The following BRWD1 variants were observed in gnomAD, a reference collection of about 807,000 sequenced individuals.
The protein encoded by BRWD1 is bromodomain and WD repeat-containing protein 1.
Under a neutral mutation model 251.2 loss-of-function variants are expected in BRWD1, and 82 were observed. The ratio of observed to expected loss-of-function variants is 0.33; its 90% CI spans 0.27 to 0.39. The LOEUF is 0.39. Among genes scored for constraint, BRWD1 ranks in the 10% least tolerant of loss-of-function variants. The probability of loss-of-function intolerance (pLI) is 1.00; values close to 1 mark genes in which losing one functional copy is unlikely to be tolerated. For missense variants in BRWD1, 2,233 were observed against 2,711.6 expected, an observed-to-expected ratio of 0.82 and a Z score of 3.92; for synonymous variants, 918 against 902.8, an observed-to-expected ratio of 1.02 and a Z score of -0.30.
rs781469303 is a variant in BRWD1, at chr21:39,218,692, G to GA, written c.3383-33dup. On this transcript the variant is annotated intron_variant, in intron 29 of 40. Transcript: ENST00000342449. ...ATACCATAAAAAACAATGAGAGGAA[G>GA]AAAAAAACACAAAAAATAAATATAT... 1.5e-4 allele frequency: 221 copies of GA among 1,484,804 alleles called. 1 individual carries two copies. The highest frequency in any genetic ancestry group is 2.1e-4 in the Admixed American group (9 of 41,920). The allele number at this position is 1,484,804 out of a possible 1,614,324, so 92.0% of individuals were successfully genotyped here.
At position 39,189,578 on chromosome 21, in the gene BRWD1, T is replaced by C. The variant is rs528759440; in HGVS notation, c.*6681A>G. 2.9e-4 allele frequency: 283 copies of C among 983,772 alleles called. 1 individual carries two copies. The African/African-American group carries it at 4.7e-3, about 16-fold the overall frequency. The allele number at this position is 983,772 out of a possible 1,614,324, so 60.9% of individuals were successfully genotyped here. ...GGGAGGGAGAATTTGAATTACACTGTACTCTAACTTGATAAAGCTGAATCT... is the reference window on the plus strand; with the variant it reads ...GGGAGGGAGAATTTGAATTACACTGCACTCTAACTTGATAAAGCTGAATCT... On this transcript the variant is annotated 3_prime_UTR_variant, in exon 41 of 41. Coordinates refer to ENST00000342449, the MANE Select transcript of BRWD1 (RefSeq NM_033656.4).
intron 37 of BRWD1, 104 bp from the exon 38 acceptor site, chr21:39,202,649 G>T: frequency 1.4e-6 from 1 of 733,468 alleles, no homozygotes; most frequent in Non-Finnish European, 2.2e-6. Context: ...CTTAAACTGA[G>T]AGTAATTTTA....
intron 8 of BRWD1, among the ~76,000 whole-genome samples, chr21:39,292,122 T>TGGGG (rs1336734101): frequency 1.4e-3 from 3 of 2,178 alleles, no homozygotes; most frequent in Admixed American, 0.012. Flanking sequence ...TTGTGGGGGG[T>TGGGG]GGGTGGGGGT....
At chr21:39,314,296 T>TC (rs1399840323), upstream of BRWD1, 3 of 455,220 alleles carry the variant, frequency 6.6e-6, no homozygotes, top group Non-Finnish European at 8.8e-6. Flanking sequence ...CCCAGCCACA[T>TC]CCCCCACAAG....
intron 20 of BRWD1, among the ~76,000 whole-genome samples, chr21:39,249,390 T>A (rs933145064): frequency 1.3e-5 from 2 of 152,236 alleles, no homozygotes; most frequent in Non-Finnish European, 2.9e-5. Flanking sequence ...ACTGTAAGTA[T>A]GTGTATTTTC....
intron 31 of BRWD1, among the ~76,000 whole-genome samples, chr21:39,216,009 A>C (rs991026534): frequency 2.6e-5 from 4 of 151,906 alleles, no homozygotes; most frequent in East Asian, 1.9e-4. Context: ...AAAACAAACA[A>C]AAAAACAAAC....
At chr21:39,294,512 G>A (rs530294152) in intron 7 of BRWD1, among the ~76,000 whole-genome samples, 202 of 152,210 alleles carry the variant, frequency 1.3e-3, no homozygotes, top group Admixed American at 2.1e-3. Context: ...AAAATTAGCC[G>A]GGCGTGGTGG....
upstream of BRWD1, chr21:39,314,600 C>CT (rs1240884809): frequency 5.8e-6 from 2 of 346,328 alleles, no homozygotes; most frequent in African/African-American, 4.3e-5. Flanking sequence ...GGCTTCTGAC[C>CT]TAACTATGAG....
rs1173314457 is a variant in BRWD1, at chr21:39,198,907, A to T, written c.5509T>A (p.Cys1837Ser). 3 of 1,614,110 alleles carry T rather than the reference A, an allele frequency of 1.9e-6. No homozygotes were observed. Among genetic ancestry groups the T allele is most frequent in the South Asian group, 2.2e-5 (2 of 91,070 alleles). The change falls in exon 40 of 41, where the codon TGT (cysteine) becomes AGT (serine). Residue 1837 changes from cysteine (C) to serine (S), a missense_variant. By Grantham distance (112) the Cys-to-Ser change is moderately radical. Transcript: ENST00000342449. ...SEEQDREDGK[C>S]HKMEMNPISG... ...ATTGGGTTCATTTCCATTTTATGAC[A>T]TTTCCCATCTTCTCTATCTTGCTCT...
upstream of BRWD1, chr21:39,313,664 TCCTCCGCGGGAGACGAAAAGTAGTC>T (rs2036607300): frequency 2.3e-6 from 1 of 430,938 alleles, no homozygotes; most frequent in East Asian, 4.4e-5. Context: ...AGGAAGTAGT[TCCTCCGCGGGAGACGAAAAGTAGTC>T]CCTCCGCGGG....
chr21:39,197,483 A>C, intron 40 of BRWD1, 68 bp from the exon 41 acceptor site: 1 of 1,298,548 alleles, frequency 7.7e-7, no homozygotes, highest in Non-Finnish European at 1.1e-6. Context: ...TTCAATATTA[A>C]AAACAAGTTC....
intron 17 of BRWD1, among the ~76,000 whole-genome samples, chr21:39,262,724 C>T (rs1351211887): frequency 6.6e-6 from 1 of 151,942 alleles, no homozygotes; most frequent in East Asian, 1.9e-4. Flanking sequence ...AAAAAGATTA[C>T]ACTTTGTATA....
chr21:39,308,639 T>C (rs1054896202), intron 4 of BRWD1, among the ~76,000 whole-genome samples: 2 of 152,112 alleles, frequency 1.3e-5, no homozygotes, highest in African/African-American at 4.8e-5. Context: ...TGATGTCCAG[T>C]CCCACCACAA....
chr21:39,250,688 GA>G (rs1351686345), intron 20 of BRWD1, 107 bp downstream of exon 20: 5 of 695,592 alleles, frequency 7.2e-6, no homozygotes, highest in Non-Finnish European at 1.2e-5. Context: ...CCTTAAGCAA[GA>G]AATACTCCAC....
intron 17 of BRWD1, among the ~76,000 whole-genome samples, chr21:39,262,858 G>T (rs965927089): frequency 1.3e-5 from 2 of 152,132 alleles, no homozygotes; most frequent in African/African-American, 2.4e-5. Context: ...AGTATAAATG[G>T]TTTGTATCTT....
chr21:39,294,228 CTACA>C (rs1326481549), intron 7 of BRWD1, among the ~76,000 whole-genome samples, 196 bp from the exon 8 acceptor site: 1 of 152,318 alleles, frequency 6.6e-6, no homozygotes, highest in African/African-American at 2.4e-5. Context: ...CAAAGACAGT[CTACA>C]TAAAGATACT....
chr21:39,266,248 G>A (rs980979002), intron 15 of BRWD1, among the ~76,000 whole-genome samples: 2 of 150,868 alleles, frequency 1.3e-5, no homozygotes, highest in African/African-American at 2.4e-5. Context: ...TGCTGAATAA[G>A]ATGTGCATAT....
At chr21:39,248,875 G>A (rs1306455705) in intron 20 of BRWD1, among the ~76,000 whole-genome samples, 3 of 151,990 alleles carry the variant, frequency 2.0e-5, no homozygotes, top group Non-Finnish European at 4.4e-5. Flanking sequence ...ATACCCAAAG[G>A]AAAAGAACTC....
At chr21:39,271,622 A>C (rs2035107252) in intron 13 of BRWD1, among the ~76,000 whole-genome samples, 1 of 135,376 alleles carries the variant, frequency 7.4e-6, no homozygotes, top group African/African-American at 2.8e-5. Flanking sequence ...GCATGAACCC[A>C]GGAGGCGGAA....
Sources: allele counts gnomAD v4.1 joint callset (sites outside exome capture counted in the v4.1 genomes callset), GRCh38; gene constraint gnomAD v4.1.1; transcripts MANE v1.5; gene names NCBI Gene and HGNC (gene_info 2026-07-23, HGNC 2026-07-21).